The following XRCC6 variants were observed in gnomAD, a reference collection of about 807,000 sequenced individuals.
The protein encoded by XRCC6 is X-ray repair cross complementing 6.
A neutral mutation model predicts 65.7 loss-of-function variants in XRCC6; 5 were observed. The ratio of observed to expected loss-of-function variants is 0.08; its 90% CI spans 0.04 to 0.16. The LOEUF is 0.16. Among genes scored for constraint, XRCC6 ranks in the 10% least tolerant of loss-of-function variants. XRCC6 has a pLI of 1.00. For missense variants in XRCC6, 447 were observed against 738.1 expected, an observed-to-expected ratio of 0.61 and a Z score of 4.57; for synonymous variants, 270 against 270.6, an observed-to-expected ratio of 1.00 and a Z score of 0.02.
At chr22:41,640,298 G>A (rs963709499) in intron 6 of XRCC6, among the ~76,000 whole-genome samples, 1 of 151,964 alleles carries the variant, frequency 6.6e-6, no homozygotes, top group African/African-American at 2.4e-5. Context: ...ACAGGCACCC[G>A]CCACCACGCC....
At chr22:41,644,146 C>G (rs2067907189) in intron 6 of XRCC6, among the ~76,000 whole-genome samples, 2 of 151,394 alleles carry the variant, frequency 1.3e-5, no homozygotes, top group Non-Finnish European at 2.9e-5. Flanking sequence ...GACCCTGTCT[C>G]CAAAAAAAAA....
intron 6 of XRCC6, among the ~76,000 whole-genome samples, chr22:41,645,174 G>T (rs1297835621): frequency 2.6e-5 from 4 of 151,882 alleles, no homozygotes; most frequent in Non-Finnish European, 5.9e-5. Flanking sequence ...GGTGGTGGGT[G>T]CCTGTAATCC....
chr22:41,628,511 C>T (rs965864401), intron 3 of XRCC6, among the ~76,000 whole-genome samples: 1 of 152,070 alleles, frequency 6.6e-6, no homozygotes, highest in Non-Finnish European at 1.5e-5. Context: ...AAGAAGTAGG[C>T]TCCTCCTCTT....
chr22:41,643,169 T>C (rs887958169), intron 6 of XRCC6, among the ~76,000 whole-genome samples: 1 of 152,094 alleles, frequency 6.6e-6, no homozygotes, highest in Non-Finnish European at 1.5e-5. Context: ...CCCAGCACTT[T>C]GGGAGGCCAA....
At chr22:41,643,427 A>AAAAGTGTT (rs973121365) in intron 6 of XRCC6, among the ~76,000 whole-genome samples, 2 of 151,764 alleles carry the variant, frequency 1.3e-5, no homozygotes, top group East Asian at 3.9e-4. Flanking sequence ...AAGAAAACAA[A>AAAAGTGTT]AAAGTGTTAA....
chr22:41,647,300 C>T (rs377150434), intron 7 of XRCC6, among the ~76,000 whole-genome samples: 27 of 152,088 alleles, frequency 1.8e-4, no homozygotes, highest in East Asian at 9.7e-4. Context: ...GAGACTGGAT[C>T]GACTGGGCAC....
intron 11 of XRCC6, among the ~76,000 whole-genome samples, chr22:41,660,129 C>CAAG (rs1183636838): frequency 6.6e-6 from 1 of 152,224 alleles, no homozygotes; most frequent in Non-Finnish European, 1.5e-5. Flanking sequence ...GGTACACCAG[C>CAAG]AAGAGCTCCC....
At chr22:41,661,694 G>A in intron 12 of XRCC6, 1 of 427,196 alleles carries the variant, frequency 2.3e-6, no homozygotes, top group South Asian at 2.9e-5. Context: ...CTCAAAAAGT[G>A]AAAACTAGAG....
intron 3 of XRCC6, among the ~76,000 whole-genome samples, chr22:41,633,661 A>G (rs8141447): frequency 1 from 151,469 of 152,226 alleles, 75,362 homozygotes; most frequent in East Asian, 1. Context: ...GATTACAGGC[A>G]TGAGCCACCG....
At chr22:41,656,824 A>G in intron 9 of XRCC6, 79 bp from the exon 10 acceptor site, 5 of 1,598,782 alleles carry the variant, frequency 3.1e-6, no homozygotes, top group Non-Finnish European at 4.3e-6. Context: ...CAGGACATAA[A>G]AGGAAGAATT....
intron 6 of XRCC6, among the ~76,000 whole-genome samples, chr22:41,645,826 G>C (rs2067926297): frequency 6.6e-6 from 1 of 151,570 alleles, no homozygotes; most frequent in Non-Finnish European, 1.5e-5. Context: ...CTCCCGAGTA[G>C]CTGGGATTAT....
At chr22:41,632,929 C>G (rs917336886) in intron 3 of XRCC6, among the ~76,000 whole-genome samples, 1 of 151,390 alleles carries the variant, frequency 6.6e-6, no homozygotes, top group Non-Finnish European at 1.5e-5. Flanking sequence ...GAGATCAAAA[C>G]CATCCTGGCC....
intron 6 of XRCC6, among the ~76,000 whole-genome samples, chr22:41,642,798 A>G (rs181110866): frequency 7.2e-4 from 109 of 152,340 alleles, no homozygotes; most frequent in Middle Eastern, 3.4e-3. Context: ...CTCTCCTTCA[A>G]GCAGCCTTTA....
chr22:41,643,493 A>G (rs1341391394), intron 6 of XRCC6, among the ~76,000 whole-genome samples: 1 of 151,912 alleles, frequency 6.6e-6, no homozygotes, highest in South Asian at 2.1e-4. Flanking sequence ...ATTTTGATAT[A>G]TTGTGTTTTT....
intron 6 of XRCC6, among the ~76,000 whole-genome samples, chr22:41,641,005 G>A (rs1416604814): frequency 6.6e-6 from 1 of 152,120 alleles, no homozygotes; most frequent in Non-Finnish European, 1.5e-5. Flanking sequence ...CATGTTAGTA[G>A]GCCGAGGCAG....
chr22:41,649,148 A>G (rs2067968801), intron 7 of XRCC6, among the ~76,000 whole-genome samples: 1 of 133,150 alleles, frequency 7.5e-6, no homozygotes, highest in Non-Finnish European at 1.6e-5. Flanking sequence ...AAATATATAT[A>G]TATATATATA....
intron 2 of XRCC6, among the ~76,000 whole-genome samples, chr22:41,627,270 C>T (rs912613332): frequency 5.3e-5 from 8 of 151,834 alleles, no homozygotes; most frequent in African/African-American, 1.2e-4. Context: ...TATAAAGAAA[C>T]GTAAGGGGTG....
At chr22:41,647,154 AGTGGG>A in intron 7 of XRCC6, 72 bp downstream of exon 7, 1 of 1,525,432 alleles carries the variant, frequency 6.6e-7, no homozygotes, top group South Asian at 1.2e-5. Context: ...GCTGGAGTGC[AGTGGG>A]GCGAACATGA....
intron 3 of XRCC6, among the ~76,000 whole-genome samples, chr22:41,633,705 G>A (rs1352923831): frequency 6.6e-6 from 1 of 152,078 alleles, no homozygotes; most frequent in African/African-American, 2.4e-5. Context: ...TTGAGGATAT[G>A]ATGACAGCTA....
Sources: allele counts gnomAD v4.1 joint callset (sites outside exome capture counted in the v4.1 genomes callset), GRCh38; gene constraint gnomAD v4.1.1; transcripts MANE v1.5; gene names NCBI Gene and HGNC (gene_info 2026-07-23, HGNC 2026-07-21).